URB2: variants seen among roughly 807,000 people sequenced by gnomAD.
URB2 encodes unhealthy ribosome biogenesis protein 2 homolog.
URB2 carries 86 observed loss-of-function variants against 120.9 expected under a neutral mutation model. That is an observed-to-expected ratio of 0.71 (90% CI 0.60 to 0.85). URB2 has a LOEUF of 0.85. Among genes scored for constraint, URB2 ranks in the 40% least tolerant of loss-of-function variants. The pLI is 0.00. For synonymous variants in URB2, 755 were observed against 758.4 expected (o/e 1.00, Z 0.07); for missense variants, 1,765 against 1,836.5 (o/e 0.96, Z 0.71).
intron 2 of URB2, among the ~76,000 whole-genome samples, chr1:229,630,970 G>A (rs979484561): frequency 1.2e-4 from 11 of 90,060 alleles, no homozygotes; most frequent in Admixed American, 3.7e-4. Flanking sequence ...TGACAAGAGC[G>A]AAACTCCGTC....
At position 229,632,369 on chromosome 1, in the gene URB2, A is replaced by C. The variant is rs1288373129; in HGVS notation, c.227A>C (p.Asn76Thr). 6 of 1,587,418 alleles carry C rather than the reference A, an allele frequency of 3.8e-6. No homozygotes were observed. Among genetic ancestry groups the C allele is most frequent in the Middle Eastern group, 1.7e-4 (1 of 6,036 alleles). ...GAAAGGCTTTGGATCTATATAGATA[A>C]CATTTTACATAGCAGAAAATTGCAG... ...IVERLWIYID[N>T]ILHSRKLQNL... The change falls in exon 3 of 10, where the codon AAC becomes ACC. Residue 76 changes from asparagine (N) to threonine (T), a missense_variant. Coordinates refer to ENST00000258243, the MANE Select transcript of URB2 (RefSeq NM_014777.4).
At chr1:229,644,248 G>A (rs1666084338) in intron 5 of URB2, among the ~76,000 whole-genome samples, 1 of 152,272 alleles carries the variant, frequency 6.6e-6, no homozygotes. Context: ...CAAGGAAGAA[G>A]GCCACAGGCC....
At position 229,651,320 on chromosome 1, in the gene URB2, A is replaced by G. The variant is rs1254498157; in HGVS notation, c.4235A>G (p.Lys1412Arg). 1 of 1,611,080 alleles carries G rather than the reference A, an allele frequency of 6.2e-7. No individual in the cohort carries two copies. The highest frequency in any genetic ancestry group is 1.1e-5 in the South Asian group (1 of 90,494). Residue 1412 changes from lysine (K) to arginine (R), a missense_variant and splice_region_variant, in exon 8 of 10, where the codon AAA becomes AGA. By Grantham distance (26) the Lys-to-Arg change is conservative. Coordinates refer to ENST00000258243, the MANE Select transcript of URB2 (RefSeq NM_014777.4). ...ATGCGGGAAGGGCGGCAGAAGGACA[A>G]AGGTAATTTGGAGTAACATCAGACA... ...SVMREGRQKD[K>R]GSIDDLPTVL...
intron 3 of URB2, among the ~76,000 whole-genome samples, chr1:229,633,445 T>A (rs1193314098): frequency 6.6e-6 from 1 of 152,222 alleles, no homozygotes; most frequent in Non-Finnish European, 1.5e-5. Context: ...ATGTGCATAA[T>A]TTATAAATAA....
intron 4 of URB2, among the ~76,000 whole-genome samples, chr1:229,641,569 T>C (rs1666012267): frequency 6.6e-6 from 1 of 152,018 alleles, no homozygotes. Flanking sequence ...GCCCAAGGCT[T>C]TGGGCAGGGA....
Position 229,643,650 on chromosome 1 carries a change from T to C in URB2, c.3752T>C (p.Leu1251Pro), listed in dbSNP as rs1310708781. The change falls in exon 5 of 10, where the codon CTC becomes CCC. Residue 1251 changes from leucine to proline, a missense_variant. Coordinates refer to ENST00000258243, the MANE Select transcript of URB2 (RefSeq NM_014777.4). ...EDLRLVMQCI[L>P]QGLDVSNMWK... is the part of the protein sequence containing the mutation. ...TTGAGGCTGGTGATGCAGTGTATTC[T>C]CCAGGGACTGGATGTCAGTAACATG... 1 of 1,614,212 alleles carries C rather than the reference T, an allele frequency of 6.2e-7. No homozygotes were observed. Among genetic ancestry groups the C allele is most frequent in the East Asian group, 2.2e-5 (1 of 44,884 alleles).
chr1:229,648,487 A>G (rs565010509), intron 7 of URB2, among the ~76,000 whole-genome samples: 1 of 152,352 alleles, frequency 6.6e-6, no homozygotes, highest in South Asian at 2.1e-4. Context: ...TTCCAGTTTT[A>G]TAGTATGCTC....
intron 9 of URB2, 43 bp downstream of exon 9, chr1:229,654,431 G>A (rs1361252238): frequency 1.2e-6 from 2 of 1,611,848 alleles, no homozygotes; most frequent in Non-Finnish European, 1.7e-6. Flanking sequence ...CTGTGTTTAT[G>A]GTCCTTAAGC....
At chr1:229,638,363 C>T (rs1041190796) in intron 4 of URB2, 116 bp downstream of exon 4, 126 of 1,216,692 alleles carry the variant, frequency 1.0e-4, no homozygotes, top group Non-Finnish European at 1.1e-4. Flanking sequence ...ACCACATGTG[C>T]GGCTGGGTGC....
intron 3 of URB2, 55 bp from the exon 4 acceptor site, chr1:229,634,862 G>A: frequency 1.4e-6 from 2 of 1,394,636 alleles, no homozygotes; most frequent in South Asian, 2.0e-5. Flanking sequence ...TACTTTTCTT[G>A]TGTATGTATG....
rs1352880987 is a variant in URB2, at chr1:229,636,577, A to T, written c.1964A>T (p.His655Leu). Residue 655 changes from histidine (H) to leucine (L), a missense_variant, in exon 4 of 10, where the codon CAT (histidine) becomes CTT (leucine). His to Leu is a moderately conservative substitution (Grantham distance 99, BLOSUM62 -3). Coordinates refer to ENST00000258243, the MANE Select transcript of URB2 (RefSeq NM_014777.4). ...PSLLPGVKTQ[H>L]WKKIEKFTAQ... The stretch of plus-strand genomic sequence containing the variant: ...TTGCTCCCAGGTGTAAAAACACAGC[A>T]TTGGAAGAAGATAGAGAAGTTTACA... The T allele has an allele frequency of 6.2e-7, 1 of 1,614,048 alleles. No individual in the cohort carries two copies. Among genetic ancestry groups the T allele is most frequent in the East Asian group, 2.2e-5 (1 of 44,898 alleles).
In URB2 at chr1:229,635,398, A is replaced by G; in HGVS notation, c.785A>G (p.Gln262Arg). 6.2e-7 allele frequency: 1 copy of G among 1,614,122 alleles called. No individual in the cohort carries two copies. The highest frequency in any genetic ancestry group is 1.6e-4 in the Middle Eastern group (1 of 6,062). ...TACAAGGAGGGGCTCTTGGACCAGC[A>G]GCAAGGGGATGTGAAGACGGGAGCC... ...SSYKEGLLDQ[Q>R]QGDVKTGAMK... The change falls in exon 4 of 10, where the codon CAG (glutamine) becomes CGG (arginine). Residue 262 changes from glutamine to arginine, a missense_variant. Transcript: ENST00000258243.
chr1:229,652,204 A>C (rs1666295856), intron 8 of URB2, among the ~76,000 whole-genome samples: 1 of 152,174 alleles, frequency 6.6e-6, no homozygotes, highest in Admixed American at 6.5e-5. Context: ...AAAAACAAAA[A>C]AAAAAATTGC....
At chr1:229,646,936 A>G (rs1162779815) in intron 6 of URB2, among the ~76,000 whole-genome samples, 2 of 152,176 alleles carry the variant, frequency 1.3e-5, no homozygotes, top group Non-Finnish European at 2.9e-5. Context: ...TCTTGTTTCC[A>G]ATTTGGCTGC....
At chr1:229,627,109 C>T (rs554299396) in intron 1 of URB2, among the ~76,000 whole-genome samples, 20 of 151,882 alleles carry the variant, frequency 1.3e-4, no homozygotes, top group Non-Finnish European at 2.4e-4. Flanking sequence ...AGTGTATGTG[C>T]GTTGTAAATT....
Position 229,647,764 on chromosome 1 carries a change from G to A in URB2, c.4149+12G>A. 1 of 1,606,660 alleles carries A rather than the reference G, an allele frequency of 6.2e-7. No individual in the cohort carries two copies. Among genetic ancestry groups the A allele is most frequent in the Non-Finnish European group, 8.5e-7 (1 of 1,174,280 alleles). On this transcript the variant is annotated intron_variant, in intron 7 of 9. Transcript: ENST00000258243. ...AGTGTCACCCTAAGGTGAGAAGGAG[G>A]GTGAGAGTGGCAGGCAGCTTTTCCT...
chr1:229,643,441 C>A, intron 4 of URB2, 92 bp from the exon 5 acceptor site: 1 of 1,459,410 alleles, frequency 6.9e-7, no homozygotes, highest in Admixed American at 1.9e-5. Context: ...TTTTTGATGG[C>A]GGCCACAGCT....
chr1:229,631,926 A>G (rs546869659), intron 2 of URB2, among the ~76,000 whole-genome samples: 9 of 152,322 alleles, frequency 5.9e-5, no homozygotes, highest in South Asian at 4.1e-4. Flanking sequence ...ATAAACCTCC[A>G]ATTTGTAAAT....
At chr1:229,655,022 C>T (rs1470600881) in intron 9 of URB2, among the ~76,000 whole-genome samples, 2 of 152,166 alleles carry the variant, frequency 1.3e-5, no homozygotes, top group Non-Finnish European at 1.5e-5. Context: ...TTCTAGACCT[C>T]AGGATTCTGG....
Sources: gnomAD v4.1 joint callset for allele counts (sites outside exome capture counted in the v4.1 genomes callset) on GRCh38, gnomAD v4.1.1 for gene constraint, MANE v1.5 for transcripts, NCBI Gene and HGNC (gene_info 2026-07-23, HGNC 2026-07-21) for gene names.